Variants in DNAJA1 observed in about 807,000 individuals in gnomAD.
The protein encoded by DNAJA1 is dnaJ homolog subfamily A member 1.
In DNAJA1, 26 loss-of-function variants were observed where a neutral mutation model predicts 47.6. That is an observed-to-expected ratio of 0.55 (90% CI 0.40 to 0.76). The LOEUF (loss-of-function observed/expected upper bound fraction) is 0.76. Ranked by LOEUF, DNAJA1 falls within the 30% of genes least tolerant of loss-of-function variation. The probability of loss-of-function intolerance (pLI) is 0.00; values close to 1 mark genes in which losing one functional copy is unlikely to be tolerated. For synonymous variants in DNAJA1, 165 were observed against 158.4 expected (o/e 1.04, Z -0.31); for missense variants, 315 against 485.0 (o/e 0.65, Z 3.29).
At chr9:33,036,808 A>T (rs1056520348) in intron 7 of DNAJA1, 119 bp downstream of exon 7, 11 of 827,666 alleles carry the variant, frequency 1.3e-5, no homozygotes, top group Admixed American at 1.1e-4. Context: ...TCTCGGTTAC[A>T]TATCCTTCTC....
intron 8 of DNAJA1, among the ~76,000 whole-genome samples, chr9:33,037,998 CTT>C (rs74178843): frequency 0.41 from 59,245 of 144,224 alleles, 11,930 homozygotes; most frequent in African/African-American, 0.44. Context: ...TTAATTAAAA[CTT>C]TTTTTTTTTT....
intron 1 of DNAJA1, among the ~76,000 whole-genome samples, chr9:33,025,715 G>A (rs1214919332): frequency 6.6e-6 from 1 of 152,064 alleles, no homozygotes; most frequent in Non-Finnish European, 1.5e-5. Context: ...GGGGAGTGGG[G>A]TTGGCGACCC....
chr9:33,033,445 A>C (rs1317830114), intron 5 of DNAJA1, among the ~76,000 whole-genome samples: 1 of 152,062 alleles, frequency 6.6e-6, no homozygotes, highest in African/African-American at 2.4e-5. Context: ...TCAGGTCTGT[A>C]ATCCGAACAC....
At chr9:33,025,699 G>A (rs976771778) in intron 1 of DNAJA1, among the ~76,000 whole-genome samples, 1 of 42,282 alleles carries the variant, frequency 2.4e-5, no homozygotes, top group Non-Finnish European at 5.6e-5. Context: ...CGCTCGGGGT[G>A]GGGGGGGGGA....
chr9:33,036,527 C>A, intron 6 of DNAJA1, 47 bp from the exon 7 acceptor site: 2 of 1,325,966 alleles, frequency 1.5e-6, no homozygotes, highest in East Asian at 2.4e-5. Context: ...GGTACATCTA[C>A]TGATTCGTGA....
At chr9:33,035,807 C>G (rs1839024813) in intron 6 of DNAJA1, among the ~76,000 whole-genome samples, 6 of 152,078 alleles carry the variant, frequency 3.9e-5, no homozygotes, top group Admixed American at 3.9e-4. Context: ...AAAGGAAAGT[C>G]TAAGCATGAG....
chr9:33,027,749 C>A (rs1838895522), intron 3 of DNAJA1, among the ~76,000 whole-genome samples: 1 of 151,962 alleles, frequency 6.6e-6, no homozygotes, highest in Non-Finnish European at 1.5e-5. Flanking sequence ...CCTCTGGAGG[C>A]TGAGGCAGGA....
Position 33,036,461 on chromosome 9 carries a change from A to C in DNAJA1, c.759-113A>C, listed in dbSNP as rs139846268. On this transcript the variant is annotated intron_variant, in intron 6 of 8. Transcript: ENST00000330899. ...TTGATTTTTACAATGGGGGAAGAAA[A>C]GGGTGTCTTTGTAAAAGACCCTTTG... is the stretch of plus-strand genomic sequence containing the variant. 164 of 599,186 alleles carry C rather than the reference A, an allele frequency of 2.7e-4. 1 individual carries two copies. The African/African-American group carries it at 2.9e-3, about 11-fold the overall frequency. The allele number at this position is 599,186 out of a possible 1,614,324, so 37.1% of individuals were successfully genotyped here.
rs1839079586 is a variant in DNAJA1 at position 33,039,084 on chromosome 9, TATG to T, written c.*186_*188del. On this transcript the variant is annotated 3_prime_UTR_variant, in exon 9 of 9. Coordinates refer to ENST00000330899, the MANE Select transcript of DNAJA1 (RefSeq NM_001539.4). ...AAAAGCTCTGATTTTGCCCTGTATG[TATG>T]ATGACTTCAGTGTGCAAGATGAAGT... 2 of 618,978 alleles carry T rather than the reference TATG, an allele frequency of 3.2e-6. No individual in the cohort carries two copies. The highest frequency in any genetic ancestry group is 5.6e-6 in the Non-Finnish European group (2 of 360,198). The allele number at this position is 618,978 out of a possible 1,614,324, so 38.3% of individuals were successfully genotyped here. A position where few individuals can be genotyped will look rare whatever the true frequency, so the allele number is the denominator to read the frequency against.
chr9:33,029,043 C>G (rs180885302), intron 3 of DNAJA1, among the ~76,000 whole-genome samples: 11 of 152,314 alleles, frequency 7.2e-5, no homozygotes, highest in Middle Eastern at 6.8e-3. Context: ...TACTTCTAAC[C>G]TCAGTGTCCT....
chr9:33,028,166 AAGTT>A (rs1459235408), intron 3 of DNAJA1, among the ~76,000 whole-genome samples: 2 of 152,184 alleles, frequency 1.3e-5, no homozygotes, highest in Non-Finnish European at 2.9e-5. Context: ...AAATGGGAGT[AAGTT>A]AAAGTTCAGA....
rs753489963 is a variant in DNAJA1 at position 33,036,651 on chromosome 9, C to T, written c.836C>T (p.Thr279Ile). 10 of 1,614,020 alleles carry T rather than the reference C, an allele frequency of 6.2e-6. No individual in the cohort carries two copies. The highest frequency in any genetic ancestry group is 2.2e-5 in the East Asian group (1 of 44,872). ...ALCGFQKPIS[T>I]LDNRTIVITS... ...TGTGGCTTCCAGAAGCCAATATCTA[C>T]TCTTGACAACCGAACCATCGTCATC... Residue 279 changes from threonine (T) to isoleucine (I), a missense_variant, in exon 7 of 9, where the codon ACT becomes ATT. Thr to Ile is a moderately conservative substitution (Grantham distance 89, BLOSUM62 -1). Transcript: ENST00000330899.
intron 5 of DNAJA1, among the ~76,000 whole-genome samples, chr9:33,033,133 G>A (rs1189080002): frequency 6.6e-6 from 1 of 151,158 alleles, no homozygotes; most frequent in Non-Finnish European, 1.5e-5. Context: ...TAAAATATGT[G>A]GGTCAGAGGT....
At chr9:33,034,093 A>G (rs1397216169) in intron 5 of DNAJA1, 123 bp from the exon 6 acceptor site, 1 of 636,890 alleles carries the variant, frequency 1.6e-6, no homozygotes, top group Non-Finnish European at 2.6e-6. Context: ...TGAACTACTT[A>G]AGTGGGCTTT....
intron 6 of DNAJA1, among the ~76,000 whole-genome samples, chr9:33,035,933 G>C (rs1839026496): frequency 6.6e-6 from 1 of 152,058 alleles, no homozygotes; most frequent in African/African-American, 2.4e-5. Flanking sequence ...CTTTAAATTG[G>C]ACATATCCTC....
chr9:33,032,826 C>G (rs1437030065), intron 5 of DNAJA1, among the ~76,000 whole-genome samples: 1 of 151,948 alleles, frequency 6.6e-6, no homozygotes, highest in Non-Finnish European at 1.5e-5. Flanking sequence ...TTGGAGTTTG[C>G]TTGAAAGTAT....
chr9:33,029,042 C>T (rs10511910), intron 3 of DNAJA1, among the ~76,000 whole-genome samples: 5,895 of 152,286 alleles, frequency 0.039, 336 homozygotes, highest in African/African-American at 0.13. Flanking sequence ...ATACTTCTAA[C>T]CTCAGTGTCC....
Position 33,034,203 on chromosome 9 carries a change from G to A in DNAJA1, c.644-13G>A, listed in dbSNP as rs781268783. The A allele has an allele frequency of 1.3e-6, 2 of 1,541,416 alleles. No individual in the cohort carries two copies. On this transcript the variant is annotated splice_polypyrimidine_tract_variant and intron_variant, in intron 5 of 8. Coordinates refer to ENST00000330899, the MANE Select transcript of DNAJA1 (RefSeq NM_001539.4). ...TATTTAATAAAAGTACAAAATTAAT[G>A]TTTTGTTTTTAGGCATGAAAGATGG...
At position 33,039,561 on chromosome 9, in the gene DNAJA1, A is replaced by ATATGTATATATATATATATAT. The variant is rs74178844; in HGVS notation, c.*658_*659insTATGTATATATATATATATAT. On this transcript the variant is annotated 3_prime_UTR_variant, in exon 9 of 9. Transcript: ENST00000330899. The stretch of plus-strand genomic sequence containing the variant: ...CATATATATATACATATATATATAT[A>ATATGTATATATATATATATAT]ATCTTGACCAGTCCTGGTCATTTGC... The ATATGTATATATATATATATAT allele has an allele frequency of 7.0e-6, 1 of 142,076 alleles. No individual in the cohort carries two copies. The highest frequency in any genetic ancestry group is 1.6e-5 in the Non-Finnish European group (1 of 62,934). The allele number at this position is 142,076 out of a possible 1,614,324, so 8.8% of individuals were successfully genotyped here. A position where few individuals can be genotyped will look rare whatever the true frequency, so the allele number is the denominator to read the frequency against.
Sources: allele counts gnomAD v4.1 joint callset (sites outside exome capture counted in the v4.1 genomes callset), GRCh38; gene constraint gnomAD v4.1.1; transcripts MANE v1.5; gene names NCBI Gene and HGNC (gene_info 2026-07-23, HGNC 2026-07-21).